Variants in OBSL1 observed in about 807,000 individuals in gnomAD.
The protein encoded by OBSL1 is obscurin like cytoskeletal adaptor 1.
In OBSL1, 160 loss-of-function variants were observed where a neutral mutation model predicts 172.0. The observed-to-expected ratio is 0.93, with a 90% confidence interval of 0.82 to 1.06. The LOEUF (loss-of-function observed/expected upper bound fraction) is 1.06. Ranked by LOEUF, OBSL1 falls within the 50% of genes least tolerant of loss-of-function variation. OBSL1 has a pLI of 0.00. For missense variants in OBSL1, 2,681 were observed against 2,715.4 expected (o/e 0.99, Z 0.28); for synonymous variants, 1,200 against 1,196.3 (o/e 1.00, Z -0.06).
intron 14 of OBSL1, chr2:219,555,784 G>A (rs1431799584): frequency 7.2e-7 from 1 of 1,382,110 alleles, no homozygotes; most frequent in Non-Finnish European, 9.3e-7. Flanking sequence ...TGTGTTTATA[G>A]CAAAGCCGAC....
chr2:219,548,602 C>T (rs76117748), downstream of OBSL1, among the ~76,000 whole-genome samples: 5,417 of 152,258 alleles, frequency 0.036, 130 homozygotes, highest in Non-Finnish European at 0.048. Context: ...ATGAGCTCAG[C>T]TTGCTTGAGG....
At chr2:219,556,343 C>A (rs1178018305) in intron 13 of OBSL1, 51 bp from the exon 14 acceptor site, 3 of 1,570,090 alleles carry the variant, frequency 1.9e-6, no homozygotes, top group Non-Finnish European at 2.6e-6. Flanking sequence ...GAGGCTGGCC[C>A]CTTGCTCCAT....
In OBSL1 at chr2:219,556,481, C is replaced by T; in HGVS notation, c.4309G>A (p.Ala1437Thr). 1 of 1,613,810 alleles carries T rather than the reference C, an allele frequency of 6.2e-7. No homozygotes were observed. The highest frequency in any genetic ancestry group is 8.5e-7 in the Non-Finnish European group (1 of 1,179,890). ...GTVTLRAGST[A>T]TSARLHVRET... Reference sequence around the variant, plus strand: ...CGAACATGGAGCCGGGCACTTGTGGCCGTGCTCCCTGCCCGCAAAGTCACG... The same window carrying T: ...CGAACATGGAGCCGGGCACTTGTGGTCGTGCTCCCTGCCCGCAAAGTCACG... Residue 1437 changes from alanine (A) to threonine (T), a missense_variant, in exon 13 of 21, where the codon GCC (alanine) becomes ACC (threonine). Transcript: ENST00000404537.
At position 219,553,701 on chromosome 2, in the gene OBSL1, G is replaced by T. The variant is rs774710450; in HGVS notation, c.4877-15C>A. ...CACTGGGACCTCTGGGGGTGGGAGA[G>T]GGAGGACAGTGCAGAGGGAGCAGGA... On this transcript the variant is annotated splice_polypyrimidine_tract_variant and intron_variant, in intron 15 of 20. Transcript: ENST00000404537. 1.9e-6 allele frequency: 3 copies of T among 1,594,396 alleles called. No homozygotes were observed. Among genetic ancestry groups the T allele is most frequent in the Admixed American group, 3.3e-5 (2 of 59,708 alleles).
chr2:219,549,816 C>T, downstream of OBSL1: 1 of 1,614,124 alleles, frequency 6.2e-7, no homozygotes, highest in African/African-American at 1.3e-5. Context: ...GTCCCGGGGA[C>T]CTCTGACAGC....
chr2:219,568,969 G>A lies in OBSL1; in HGVS notation c.1013-645C>T, dbSNP rs149549299. Among the ~76,000 whole-genome samples, 453 of 151,152 alleles carry A rather than the reference G, an allele frequency of 3.0e-3. 2 individuals carry two copies. Among genetic ancestry groups the A allele is most frequent in the African/African-American group, 0.01 (429 of 41,186 alleles). On this transcript the variant is annotated intron_variant, in intron 1 of 20. Transcript: ENST00000404537. This position sits in a 1 kb window ranked among gnomAD's most constrained non-coding sequence, Gnocchi z 4.1. The stretch of plus-strand genomic sequence containing the variant: ...TTGCCATGTTGGCCAGGCTGTTCTC[G>A]AACTCCTGACCTCAAATGATCCGCC...
chr2:219,557,275 G>A (rs1696085956), intron 12 of OBSL1, 68 bp downstream of exon 12: 5 of 1,395,380 alleles, frequency 3.6e-6, no homozygotes, highest in Non-Finnish European at 3.8e-6. Flanking sequence ...GGAGTAAGGG[G>A]GCCCTAGAAA....
At chr2:219,557,695 G>A in intron 11 of OBSL1, 77 bp from the exon 12 acceptor site, 1 of 1,515,248 alleles carries the variant, frequency 6.6e-7, no homozygotes. Flanking sequence ...GCATGACGGG[G>A]AAGGTACTGA....
At position 219,568,659 on chromosome 2, in the gene OBSL1, T is replaced by C. The variant is rs560156577; in HGVS notation, c.1013-335A>G. Reference sequence around the variant, plus strand: ...TCCCTGGGGTCCTCCAGGCCCTAGATTGGTGATTTCCAAACTGTTCCCTGG... The same window carrying C: ...TCCCTGGGGTCCTCCAGGCCCTAGACTGGTGATTTCCAAACTGTTCCCTGG... On this transcript the variant is annotated intron_variant, in intron 1 of 20. Coordinates refer to ENST00000404537, the MANE Select transcript of OBSL1 (RefSeq NM_015311.3). This position sits in a 1 kb window ranked among gnomAD's most constrained non-coding sequence, Gnocchi z 4.1. 1.7e-4 allele frequency among the ~76,000 whole-genome samples: 26 copies of C among 152,292 alleles called. No individual in the cohort carries two copies. Among genetic ancestry groups the C allele is most frequent in the Admixed American group, 4.6e-4 (7 of 15,296 alleles).
chr2:219,557,415 G>T lies in OBSL1; in HGVS notation c.3994C>A (p.Arg1332=). The T allele has an allele frequency of 6.5e-7, 1 of 1,548,282 alleles. No homozygotes were observed. The change falls in exon 12 of 21, where the codon CGG becomes AGG. Residue 1332 remains arginine (R), a synonymous_variant. Coordinates refer to ENST00000404537, the MANE Select transcript of OBSL1 (RefSeq NM_015311.3). ...AGGTACTCCCCAGCGTCCCCGCTCCGTGCCCCCTGCACCCGCAGCACCTGC... is the reference window on the plus strand; with the variant it reads ...AGGTACTCCCCAGCGTCCCCGCTCCTTGCCCCCTGCACCCGCAGCACCTGC... The part of the protein sequence containing the change: ...ARQVLRVQGA[R]SGDAGEYLCD...
intron 20 of OBSL1, 173 bp downstream of exon 20, chr2:219,551,356 G>C: frequency 7.1e-7 from 1 of 1,402,096 alleles, no homozygotes; most frequent in South Asian, 1.5e-5. Context: ...AGCAGTTCCA[G>C]GGCTTTCCAG....
In OBSL1 at chr2:219,553,573, C is replaced by A. The variant is rs765428655; in HGVS notation, c.4989+1G>T. 9 of 1,611,068 alleles carry A rather than the reference C, an allele frequency of 5.6e-6. No homozygotes were observed. In the Admixed American group the frequency reaches 1.0e-4, roughly 18 times the overall value. On this transcript the variant is annotated splice_donor_variant, in intron 16 of 20. Coordinates refer to ENST00000404537, the MANE Select transcript of OBSL1 (RefSeq NM_015311.3). LOFTEE classifies it high-confidence loss of function. The stretch of plus-strand genomic sequence containing the variant: ...GGGCTTGGCTGGGGCTGGGATCTGA[C>A]CTTCTCCCAGGTAACATCAGCCAAA...
At position 219,566,938 on chromosome 2, in the gene OBSL1, C is replaced by T; in HGVS notation, c.2026G>A (p.Gly676Ser). ...TGCAGGATGAGTCTGTGCTGCAGAC[C>T]CTTCTGCTCTATACGGTACCGCAGG... is the stretch of plus-strand genomic sequence containing the variant. Reference protein sequence around the residue: ...GALRYRIEQKGLQHRLILHAV... With the variant: ...GALRYRIEQKSLQHRLILHAV... The change falls in exon 5 of 21, where the codon GGT (glycine) becomes AGT (serine). Residue 676 changes from glycine to serine, a missense_variant. By Grantham distance (56) the Gly-to-Ser change is moderately conservative. Around this residue, in one of 5 missense-constraint regions of OBSL1, gnomAD observed 1,765 missense variants for 1,748.3 expected, o/e 1.01. Coordinates refer to ENST00000404537, the MANE Select transcript of OBSL1 (RefSeq NM_015311.3). 4.3e-6 allele frequency: 7 copies of T among 1,613,778 alleles called. No homozygotes were observed. Among genetic ancestry groups the T allele is most frequent in the Non-Finnish European group, 5.9e-6 (7 of 1,179,848 alleles).
At chr2:219,553,809 C>A in intron 15 of OBSL1, 123 bp from the exon 16 acceptor site, 1 of 281,058 alleles carries the variant, frequency 3.6e-6, no homozygotes, top group Non-Finnish European at 6.8e-6. Flanking sequence ...GGGGTTCGAG[C>A]TGGGACAAGT....
intron 15 of OBSL1, 52 bp downstream of exon 15, chr2:219,554,422 G>A (rs1695851019): frequency 6.3e-7 from 1 of 1,594,186 alleles, no homozygotes; most frequent in Non-Finnish European, 8.6e-7. Flanking sequence ...CATGCCTGGG[G>A]TAAGTAGGGC....
In OBSL1 at chr2:219,557,863, G is replaced by C. The variant is rs748048423; in HGVS notation, c.3750C>G (p.Ala1250=). 15 of 1,600,880 alleles carry C rather than the reference G, an allele frequency of 9.4e-6. No individual in the cohort carries two copies. In the South Asian group the frequency reaches 1.4e-4, roughly 15 times the overall value. ...AGLYTCQSGA[A]PGAPSLSFTV... The stretch of plus-strand genomic sequence containing the variant: ...TGAAGCTGAGGCTTGGGGCTCCGGG[G>C]GCTGCTCCAGACTGGCAGGTGTAGA... Residue 1250 remains alanine, a synonymous_variant, in exon 11 of 21, where the codon GCC becomes GCG. Coordinates refer to ENST00000404537, the MANE Select transcript of OBSL1 (RefSeq NM_015311.3).
At chr2:219,560,199 T>A (rs1273787208) in intron 8 of OBSL1, among the ~76,000 whole-genome samples, 1 of 152,164 alleles carries the variant, frequency 6.6e-6, no homozygotes, top group Admixed American at 6.5e-5. Flanking sequence ...ACAGAGTGAT[T>A]ATACAACTTC....
chr2:219,547,682 A>G (rs747977311), downstream of OBSL1: 1 of 1,553,844 alleles, frequency 6.4e-7, no homozygotes, highest in Non-Finnish European at 8.7e-7. Context: ...GCTAGTGCGC[A>G]GCGTGGGCCT....
intron 12 of OBSL1, 87 bp downstream of exon 12, chr2:219,557,256 G>A (rs1053327677): frequency 3.2e-5 from 42 of 1,309,856 alleles, no homozygotes; most frequent in Non-Finnish European, 4.1e-5. Flanking sequence ...GCAGCAAAGC[G>A]GGGGTGGAGG....
Sources: gnomAD v4.1 joint callset for allele counts (sites outside exome capture counted in the v4.1 genomes callset) on GRCh38, gnomAD v4.1.1 for gene constraint, gnomAD v4.1.1 regional missense constraint, Gnocchi (gnomAD v3.1) non-coding constraint, MANE v1.5 for transcripts, NCBI Gene and HGNC (gene_info 2026-07-23, HGNC 2026-07-21) for gene names.